The following KLHL11 variants were observed in gnomAD, a reference collection of about 807,000 sequenced individuals.
KLHL11 encodes kelch-like protein 11.
Under a neutral mutation model 56.1 loss-of-function variants are expected in KLHL11, and 26 were observed. That is an observed-to-expected ratio of 0.46 (90% CI 0.34 to 0.64). KLHL11 has a LOEUF of 0.64. Ranked by LOEUF, KLHL11 falls within the 30% of genes least tolerant of loss-of-function variation. The pLI, the probability that KLHL11 is intolerant of heterozygous loss-of-function variation, is 0.01. For synonymous variants in KLHL11, 338 were observed against 345.8 expected, an observed-to-expected ratio of 0.98 and a Z score of 0.25; for missense variants, 627 against 919.4, an observed-to-expected ratio of 0.68 and a Z score of 4.11.
chr17:41,851,917 C>CAAAAA lies in KLHL11; in HGVS notation c.*1818_*1822dup, dbSNP rs199666907. ...CAAAGTGGGACCCCATCCCCTGGCC[C>CAAAAA]AAAAAAAAAAAAAAGTCAATTTGAG... On this transcript the variant is annotated 3_prime_UTR_variant, in exon 2 of 2. Coordinates refer to ENST00000319121, the MANE Select transcript of KLHL11 (RefSeq NM_018143.3). 8.3e-6 allele frequency among the ~76,000 whole-genome samples: 1 copy of CAAAAA among 120,274 alleles called. No individual in the cohort carries two copies. 78.9% of individuals were successfully genotyped at this position (120,274 alleles called of 152,430 possible). A position where few individuals can be genotyped will look rare whatever the true frequency, so the allele number is the denominator to read the frequency against.
chr17:41,859,567 A>G (rs1391019282), intron 1 of KLHL11, among the ~76,000 whole-genome samples: 1 of 151,844 alleles, frequency 6.6e-6, no homozygotes, highest in African/African-American at 2.4e-5. Context: ...TCAAAAAAAC[A>G]AAAAACAAAA....
In KLHL11 at chr17:41,852,065, G is replaced by T. The variant is rs1555622067; in HGVS notation, c.*1675C>A. Among the ~76,000 whole-genome samples the T allele has an allele frequency of 6.6e-6, 1 of 152,110 alleles. No homozygotes were observed. Among genetic ancestry groups the T allele is most frequent in the Non-Finnish European group, 1.5e-5 (1 of 68,004 alleles). On this transcript the variant is annotated 3_prime_UTR_variant, in exon 2 of 2. Coordinates refer to ENST00000319121, the MANE Select transcript of KLHL11 (RefSeq NM_018143.3). ...AGACACCGTCTCTCTGTCACCCAAG[G>T]TAGAGTGGCATGATCACAGCTCATT... is the stretch of plus-strand genomic sequence containing the variant.
chr17:41,859,558 C>CA (rs1395894709), intron 1 of KLHL11, among the ~76,000 whole-genome samples: 5 of 150,868 alleles, frequency 3.3e-5, no homozygotes, highest in African/African-American at 4.9e-5. Context: ...GATGCTATCT[C>CA]AAAAAAACAA....
chr17:41,860,210 G>A (rs2048394003), intron 1 of KLHL11, among the ~76,000 whole-genome samples: 3 of 152,102 alleles, frequency 2.0e-5, no homozygotes, highest in Non-Finnish European at 4.4e-5. Flanking sequence ...AGTTTTAGCA[G>A]GCACTCCAGG....
chr17:41,853,473 C>T lies in KLHL11; in HGVS notation c.*267G>A, dbSNP rs1417225284. 2.9e-6 allele frequency: 1 copy of T among 340,358 alleles called. No homozygotes were observed. Among genetic ancestry groups the T allele is most frequent in the Non-Finnish European group, 5.3e-6 (1 of 188,804 alleles). The allele number at this position is 340,358 out of a possible 1,614,324, so 21.1% of individuals were successfully genotyped here. A position where few individuals can be genotyped will look rare whatever the true frequency, so the allele number is the denominator to read the frequency against. On this transcript the variant is annotated 3_prime_UTR_variant, in exon 2 of 2. Coordinates refer to ENST00000319121, the MANE Select transcript of KLHL11 (RefSeq NM_018143.3). ...TGGCAGGAAAACAGCTAAGCAACTACACCTGATTTTTCCACTTGTCCTTAA... is the reference window on the plus strand; with the variant it reads ...TGGCAGGAAAACAGCTAAGCAACTATACCTGATTTTTCCACTTGTCCTTAA...
intron 1 of KLHL11, among the ~76,000 whole-genome samples, chr17:41,860,919 C>T (rs868970157): frequency 7.4e-4 from 113 of 152,150 alleles, no homozygotes; most frequent in African/African-American, 2.7e-3. Flanking sequence ...GGGGCCGAAA[C>T]CACAGGAATA....
intron 1 of KLHL11, among the ~76,000 whole-genome samples, chr17:41,857,315 G>C (rs1463640326): frequency 6.6e-6 from 1 of 151,330 alleles, no homozygotes; most frequent in Admixed American, 6.6e-5. Flanking sequence ...AAGCAGCCTG[G>C]CCAACATGGT....
chr17:41,854,851 C>A lies in KLHL11; in HGVS notation c.1016G>T (p.Gly339Val). 6.2e-7 allele frequency: 1 copy of A among 1,614,190 alleles called. No individual in the cohort carries two copies. The highest frequency in any genetic ancestry group is 1.3e-5 in the African/African-American group (1 of 75,050). ...HALRAENIQS[G>V]TCQHPTSHVS... ...ATGAGAAGTGGGGTGCTGGCATGTG[C>A]CAGATTGTATATTCTCAGCTCTCAG... The change falls in exon 2 of 2, where the codon GGC becomes GTC. Residue 339 changes from glycine (G) to valine (V), a missense_variant. Gly to Val is a moderately radical substitution (Grantham distance 109). Transcript: ENST00000319121. This position sits in a 1 kb window ranked among gnomAD's most constrained non-coding sequence, Gnocchi z 4.9.
Position 41,849,075 on chromosome 17 carries a change from C to T in KLHL11, c.*4665G>A, listed in dbSNP as rs9896025. On this transcript the variant is annotated 3_prime_UTR_variant, in exon 2 of 2. Transcript: ENST00000319121. ...TTTCCAATGACCAGAACATACGGTACAATAACAAAAACAAAAAATGGACTA... is the reference window on the plus strand; with the variant it reads ...TTTCCAATGACCAGAACATACGGTATAATAACAAAAACAAAAAATGGACTA... 137,648 of 152,228 alleles carry T rather than the reference C, an allele frequency of 0.9. 62,368 individuals carry two copies. The highest frequency in any genetic ancestry group is 1 in the East Asian group (5,191 of 5,192). The allele number at this position is 152,228 out of a possible 1,614,324, so 9.4% of individuals were successfully genotyped here.
intron 1 of KLHL11, among the ~76,000 whole-genome samples, chr17:41,858,923 G>C: frequency 6.6e-6 from 1 of 152,140 alleles, no homozygotes; most frequent in East Asian, 1.9e-4. Context: ...GGACTTTATG[G>C]TATAAAGTAA....
intron 1 of KLHL11, among the ~76,000 whole-genome samples, chr17:41,862,116 TCTCA>T (rs1330158788): frequency 6.6e-6 from 1 of 151,892 alleles, no homozygotes; most frequent in African/African-American, 2.4e-5. Flanking sequence ...AGATCCAGTC[TCTCA>T]CTCTGTTGCC....
At position 41,852,356 on chromosome 17, in the gene KLHL11, G is replaced by T. The variant is rs2048336628; in HGVS notation, c.*1384C>A. On this transcript the variant is annotated 3_prime_UTR_variant, in exon 2 of 2. Coordinates refer to ENST00000319121, the MANE Select transcript of KLHL11 (RefSeq NM_018143.3). ...AGCCAAAATTATGTACCCAAATTTG[G>T]TATCCTAGGCTCAGGCAAAGTTTGA... Among the ~76,000 whole-genome samples, 1 of 152,024 alleles carries T rather than the reference G, an allele frequency of 6.6e-6. No individual in the cohort carries two copies. The highest frequency in any genetic ancestry group is 1.5e-5 in the Non-Finnish European group (1 of 68,002).
Position 41,864,837 on chromosome 17 carries a change from C to T in KLHL11, c.534G>A (p.Glu178=). 1.3e-6 allele frequency: 2 copies of T among 1,530,756 alleles called. No homozygotes were observed. The highest frequency in any genetic ancestry group is 1.8e-6 in the Non-Finnish European group (2 of 1,135,050). The allele number at this position is 1,530,756 out of a possible 1,614,324, so 94.8% of individuals were successfully genotyped here. ...CCTCCCTCGCCTACCTGTCGGCCAA[C>T]TCCAGCACCTCGTGCACGCTGCCCG... ...VSTGSVHEVL[E]LADRFLLIRL... is the part of the protein sequence containing the mutation. Residue 178 remains glutamate (E), a synonymous_variant, in exon 1 of 2, where the codon GAG becomes GAA. Coordinates refer to ENST00000319121, the MANE Select transcript of KLHL11 (RefSeq NM_018143.3).
At chr17:41,857,756 G>A (rs2048375266) in intron 1 of KLHL11, among the ~76,000 whole-genome samples, 1 of 152,062 alleles carries the variant, frequency 6.6e-6, no homozygotes, top group Admixed American at 6.6e-5. Flanking sequence ...CAATCCTTCT[G>A]CCTCAGCTTC....
intron 1 of KLHL11, among the ~76,000 whole-genome samples, chr17:41,863,902 G>A (rs1267837263): frequency 6.6e-6 from 1 of 152,044 alleles, no homozygotes; most frequent in Non-Finnish European, 1.5e-5. Flanking sequence ...TTTTTCATCA[G>A]TGATGACAAT....
chr17:41,861,884 T>C (rs1378890733), intron 1 of KLHL11, among the ~76,000 whole-genome samples: 2 of 152,060 alleles, frequency 1.3e-5, no homozygotes, highest in Admixed American at 1.3e-4. Flanking sequence ...AGACATGCTC[T>C]AGTATCTTTT....
chr17:41,863,822 T>G (rs2048420099), intron 1 of KLHL11, among the ~76,000 whole-genome samples: 1 of 152,150 alleles, frequency 6.6e-6, no homozygotes, highest in Non-Finnish European at 1.5e-5. Flanking sequence ...CATAGGGCAT[T>G]CTCTATCCAC....
In KLHL11 at chr17:41,854,901, G is replaced by A. The variant is rs782240023; in HGVS notation, c.966C>T (p.Val322=). ...GAGCATGTCTCTCCACTGCGTCAGC[G>A]ACCAACTTGACACAAACTTCATTAT... The part of the protein sequence containing the change: ...VANNEVCVKL[V]ADAVERHALR... The change falls in exon 2 of 2, where the codon GTC becomes GTT. Residue 322 remains valine, a synonymous_variant. Coordinates refer to ENST00000319121, the MANE Select transcript of KLHL11 (RefSeq NM_018143.3). The surrounding 1 kb of genome is among the most constrained non-coding windows in gnomAD (Gnocchi z 4.9). 13 of 1,614,138 alleles carry A rather than the reference G, an allele frequency of 8.1e-6. No homozygotes were observed. Among genetic ancestry groups the A allele is most frequent in the East Asian group, 4.5e-5 (2 of 44,886 alleles).
intron 1 of KLHL11, among the ~76,000 whole-genome samples, chr17:41,860,956 G>A (rs539080339): frequency 2.9e-4 from 44 of 152,266 alleles, no homozygotes; most frequent in Admixed American, 1.1e-3. Flanking sequence ...TTTTGTGGGG[G>A]CGATTTGCAT....
Sources: allele counts gnomAD v4.1 joint callset (sites outside exome capture counted in the v4.1 genomes callset), GRCh38; gene constraint gnomAD v4.1.1; non-coding constraint Gnocchi (gnomAD v3.1); transcripts MANE v1.5; gene names NCBI Gene and HGNC (gene_info 2026-07-23, HGNC 2026-07-21).